Variants in KCNIP3 observed in about 807,000 individuals in gnomAD.
KCNIP3 encodes the protein calsenilin.
KCNIP3 carries 28 observed loss-of-function variants against 35.0 expected under a neutral mutation model. That is an observed-to-expected ratio of 0.80 (90% CI 0.59 to 1.10). The LOEUF (loss-of-function observed/expected upper bound fraction) is 1.10. KCNIP3 is among the 50% of genes least tolerant of loss of function. KCNIP3 has a pLI of 0.00. For missense variants in KCNIP3, 295 were observed against 338.4 expected (o/e 0.87, Z 1.01); for synonymous variants, 134 against 133.8 (o/e 1.00, Z -0.01).
intron 2 of KCNIP3, among the ~76,000 whole-genome samples, chr2:95,326,134 G>A (rs550354006): frequency 2.3e-4 from 34 of 149,386 alleles, no homozygotes; most frequent in African/African-American, 7.9e-4. Flanking sequence ...CACTTATAAA[G>A]TCAGACACAC....
chr2:95,357,995 A>G (rs1485971099), intron 2 of KCNIP3, among the ~76,000 whole-genome samples: 1 of 152,082 alleles, frequency 6.6e-6, no homozygotes, highest in Non-Finnish European at 1.5e-5. Context: ...AGCTTTGGGG[A>G]GTACTGGTGG....
chr2:95,355,994 C>T (rs1679649473), intron 2 of KCNIP3, among the ~76,000 whole-genome samples: 1 of 152,218 alleles, frequency 6.6e-6, no homozygotes. Flanking sequence ...TCTCCACATC[C>T]TCTCTAGCAT....
chr2:95,354,365 T>C (rs575507572), intron 2 of KCNIP3, among the ~76,000 whole-genome samples: 8 of 152,238 alleles, frequency 5.3e-5, no homozygotes, highest in Non-Finnish European at 1.2e-4. Flanking sequence ...CACGCACTTA[T>C]TGGACATGCG....
At chr2:95,301,491 G>A (rs1460320766) in intron 1 of KCNIP3, among the ~76,000 whole-genome samples, 1 of 152,230 alleles carries the variant, frequency 6.6e-6, no homozygotes, top group South Asian at 2.1e-4. Context: ...CCTCTGACAG[G>A]TTACTTAGCT....
chr2:95,345,846 C>T (rs1679341979), intron 2 of KCNIP3, among the ~76,000 whole-genome samples: 1 of 152,246 alleles, frequency 6.6e-6, no homozygotes, highest in Admixed American at 6.5e-5. Context: ...CCAGACCCGG[C>T]AGGAAGAAAG....
chr2:95,381,720 G>GACAATCCCTGCCCCCA lies in KCNIP3; in HGVS notation c.555+17_555+18insACAATCCCTGCCCCCA. On this transcript the variant is annotated intron_variant, in intron 6 of 8. Coordinates refer to ENST00000295225, the MANE Select transcript of KCNIP3 (RefSeq NM_013434.5). ...ACCAAAGAGGTAGTAGGGGGCTGGG[G>GACAATCCCTGCCCCCA]GCAGGGATTGTCCCCTCCTCCCCTC... 1 of 1,551,454 alleles carries GACAATCCCTGCCCCCA rather than the reference G, an allele frequency of 6.4e-7. No individual in the cohort carries two copies. The highest frequency in any genetic ancestry group is 8.9e-7 in the Non-Finnish European group (1 of 1,123,562).
rs1573521639 is a variant in KCNIP3, at chr2:95,377,094, C to G, written c.447+1886C>G. On this transcript the variant is annotated intron_variant, in intron 5 of 8. Coordinates refer to ENST00000295225, the MANE Select transcript of KCNIP3 (RefSeq NM_013434.5). This position sits in a 1 kb window ranked among gnomAD's most constrained non-coding sequence, Gnocchi z 4.7. ...GGCTCCTGCTCCCATCCCCACGGAC[C>G]TTCTGGGATTTGCCAGCAGCAGGGA... Among the ~76,000 whole-genome samples, 1 of 152,232 alleles carries G rather than the reference C, an allele frequency of 6.6e-6. No individual in the cohort carries two copies. Among genetic ancestry groups the G allele is most frequent in the South Asian group, 2.1e-4 (1 of 4,830 alleles).
At chr2:95,381,807 C>T (rs1298112181) in intron 6 of KCNIP3, 104 bp downstream of exon 6, 4 of 807,762 alleles carry the variant, frequency 5.0e-6, no homozygotes, top group East Asian at 2.5e-5. Flanking sequence ...CCTGTCTTCT[C>T]CCGCTGTCCA....
chr2:95,335,522 C>T (rs1679040315), intron 2 of KCNIP3, among the ~76,000 whole-genome samples: 2 of 152,102 alleles, frequency 1.3e-5, no homozygotes, highest in South Asian at 4.1e-4. Flanking sequence ...AAGGTTTTCT[C>T]TTTACCTCTA....
At chr2:95,374,698 G>T (rs1680129372) in intron 3 of KCNIP3, 150 bp from the exon 4 acceptor site, 2 of 903,846 alleles carry the variant, frequency 2.2e-6, no homozygotes, top group Admixed American at 4.4e-5. Flanking sequence ...CTCTACCCAG[G>T]CTTTCCACAA....
intron 2 of KCNIP3, among the ~76,000 whole-genome samples, chr2:95,323,219 G>C (rs2104229906): frequency 6.6e-6 from 1 of 152,222 alleles, no homozygotes; most frequent in East Asian, 1.9e-4. Flanking sequence ...TTGGCCCCAT[G>C]GCCACCTTCC....
At chr2:95,353,577 T>A (rs1679580694) in intron 2 of KCNIP3, among the ~76,000 whole-genome samples, 1 of 152,130 alleles carries the variant, frequency 6.6e-6, no homozygotes, top group South Asian at 2.1e-4. Context: ...GGGATAATAA[T>A]ACCTCCCAGT....
At chr2:95,380,132 A>G (rs1302457989) in intron 5 of KCNIP3, among the ~76,000 whole-genome samples, 1 of 152,148 alleles carries the variant, frequency 6.6e-6, no homozygotes, top group Non-Finnish European at 1.5e-5. Flanking sequence ...CACTTCATGG[A>G]AGATTCCATT....
intron 2 of KCNIP3, among the ~76,000 whole-genome samples, chr2:95,323,122 G>A (rs1573489248): frequency 6.6e-6 from 1 of 152,224 alleles, no homozygotes; most frequent in South Asian, 2.1e-4. Flanking sequence ...CACTATGGGA[G>A]GGTCAGCGGA....
intron 2 of KCNIP3, among the ~76,000 whole-genome samples, chr2:95,373,240 T>C (rs1422612198): frequency 1.3e-5 from 2 of 152,104 alleles, no homozygotes; most frequent in Admixed American, 1.3e-4. Context: ...CTCAGCAAGG[T>C]GTGGGCACTC....
In KCNIP3 at chr2:95,377,452, C is replaced by T. The variant is rs1408639684; in HGVS notation, c.447+2244C>T. ...CCACCCCCTCGCTGAGCACCTGCTC[C>T]GGGCTCTGCCGGGAGACCCTCCTGT... On this transcript the variant is annotated intron_variant, in intron 5 of 8. Coordinates refer to ENST00000295225, the MANE Select transcript of KCNIP3 (RefSeq NM_013434.5). The surrounding 1 kb of genome is among the most constrained non-coding windows in gnomAD (Gnocchi z 4.7). Among the ~76,000 whole-genome samples the T allele has an allele frequency of 3.3e-5, 5 of 152,244 alleles. No individual in the cohort carries two copies. Among genetic ancestry groups the T allele is most frequent in the South Asian group, 2.1e-4 (1 of 4,836 alleles).
chr2:95,319,459 C>T (rs534606723), intron 2 of KCNIP3, among the ~76,000 whole-genome samples: 25 of 152,288 alleles, frequency 1.6e-4, no homozygotes, highest in African/African-American at 5.8e-4. Context: ...GACCCTGGGC[C>T]GCTTCTCTGT....
intron 2 of KCNIP3, among the ~76,000 whole-genome samples, chr2:95,338,458 G>A (rs563236677): frequency 1.3e-4 from 20 of 152,262 alleles, no homozygotes; most frequent in African/African-American, 4.8e-4. Flanking sequence ...GAAATGAGGA[G>A]GGAGAAATGG....
intron 2 of KCNIP3, among the ~76,000 whole-genome samples, chr2:95,357,145 T>C (rs1679675202): frequency 6.6e-6 from 1 of 152,118 alleles, no homozygotes; most frequent in South Asian, 2.1e-4. Flanking sequence ...TAGACACAGG[T>C]GGTAGCATCA....
Sources: gnomAD v4.1 joint callset for allele counts (sites outside exome capture counted in the v4.1 genomes callset) on GRCh38, gnomAD v4.1.1 for gene constraint, Gnocchi (gnomAD v3.1) non-coding constraint, MANE v1.5 for transcripts, NCBI Gene and HGNC (gene_info 2026-07-23, HGNC 2026-07-21) for gene names.